ST6GALNAC3: variants seen among roughly 807,000 people sequenced by gnomAD.
ST6GALNAC3 encodes the protein alpha-N-acetylgalactosaminide alpha-2,6-sialyltransferase 3.
A neutral mutation model predicts 32.7 loss-of-function variants in ST6GALNAC3; 25 were observed. That is an observed-to-expected ratio of 0.76 (90% confidence interval 0.56 to 1.07). The LOEUF is 1.07. Ranked by LOEUF, ST6GALNAC3 falls within the 50% of genes least tolerant of loss-of-function variation. ST6GALNAC3 has a pLI of 0.00. For synonymous variants in ST6GALNAC3, 129 were observed against 133.1 expected (o/e 0.97, Z 0.21); for missense variants, 355 against 382.4 (o/e 0.93, Z 0.60).
chr1:76,448,490 A>G (rs1002126685), intron 3 of ST6GALNAC3, among the ~76,000 whole-genome samples: 5 of 152,182 alleles, frequency 3.3e-5, no homozygotes, highest in Middle Eastern at 3.4e-3. Flanking sequence ...GAGATTTGGG[A>G]GGGGCCAGAG....
intron 2 of ST6GALNAC3, among the ~76,000 whole-genome samples, chr1:76,353,076 A>C (rs551729945): frequency 7.9e-5 from 12 of 152,138 alleles, no homozygotes; most frequent in Non-Finnish European, 1.3e-4. Context: ...ATATACAACT[A>C]GAATTACTCC....
intron 3 of ST6GALNAC3, among the ~76,000 whole-genome samples, chr1:76,420,143 C>T (rs1040413725): frequency 1.3e-5 from 2 of 151,988 alleles, no homozygotes; most frequent in African/African-American, 2.4e-5. Flanking sequence ...CATCAAGCCA[C>T]CTGCTGACCC....
At chr1:76,100,887 A>G (rs1397187971) in intron 1 of ST6GALNAC3, among the ~76,000 whole-genome samples, 1 of 151,726 alleles carries the variant, frequency 6.6e-6, no homozygotes, top group Non-Finnish European at 1.5e-5. Flanking sequence ...TTTTAGATTC[A>G]CAACAAAATT....
intron 3 of ST6GALNAC3, among the ~76,000 whole-genome samples, chr1:76,449,464 G>T (rs139055687): frequency 6.6e-6 from 1 of 152,304 alleles, no homozygotes; most frequent in East Asian, 1.9e-4. Flanking sequence ...GGAAGCATGG[G>T]TAGCTTTGTA....
chr1:76,224,707 G>A (rs969615248), intron 1 of ST6GALNAC3, among the ~76,000 whole-genome samples: 1 of 152,162 alleles, frequency 6.6e-6, no homozygotes, highest in Non-Finnish European at 1.5e-5. Flanking sequence ...AAAGAGACAA[G>A]GGGCCTAGGT....
intron 1 of ST6GALNAC3, among the ~76,000 whole-genome samples, chr1:76,290,044 G>A (rs1659992157): frequency 6.6e-6 from 1 of 152,280 alleles, no homozygotes; most frequent in East Asian, 1.9e-4. Flanking sequence ...TATCTCACAA[G>A]CACTCTTTCT....
rs1356840124 is a variant in ST6GALNAC3 at position 76,196,370 on chromosome 1, C to T, written c.19-117435C>T. Among the ~76,000 whole-genome samples, 3 of 152,114 alleles carry T rather than the reference C, an allele frequency of 2.0e-5. No homozygotes were observed. In the East Asian group the frequency reaches 5.8e-4, roughly 29 times the overall value. On this transcript the variant is annotated intron_variant, in intron 1 of 4. Transcript: ENST00000328299. Reference sequence around the variant, plus strand: ...ACTGATGCTGCTCCTCTGGGTAGCACACTATAAGAAACTGAATCACAGGAA... The same window carrying T: ...ACTGATGCTGCTCCTCTGGGTAGCATACTATAAGAAACTGAATCACAGGAA...
At chr1:76,512,274 C>G (rs2101760556) in intron 3 of ST6GALNAC3, among the ~76,000 whole-genome samples, 1 of 152,254 alleles carries the variant, frequency 6.6e-6, no homozygotes, top group African/African-American at 2.4e-5. Flanking sequence ...ACACTGCTGT[C>G]CACAGGTAAT....
intron 3 of ST6GALNAC3, among the ~76,000 whole-genome samples, chr1:76,465,809 G>A (rs1276893329): frequency 1.3e-5 from 2 of 151,328 alleles, no homozygotes; most frequent in African/African-American, 2.4e-5. Flanking sequence ...CCACAATGTT[G>A]CATTTTCTTG....
chr1:76,284,901 G>T (rs1157076928), intron 1 of ST6GALNAC3, among the ~76,000 whole-genome samples: 3 of 152,128 alleles, frequency 2.0e-5, no homozygotes, highest in African/African-American at 7.2e-5. Context: ...AAGGCATCCA[G>T]AGAAATGATA....
In ST6GALNAC3 at chr1:76,587,502, C is replaced by T. The variant is rs1646980244; in HGVS notation, c.624-39950C>T. Among the ~76,000 whole-genome samples the T allele has an allele frequency of 3.3e-5, 5 of 152,224 alleles. No homozygotes were observed. The South Asian group carries it at 8.3e-4, about 25-fold the overall frequency. ...GAGGAGGCTGCATTCTGCTGCCCGTCCTGGCCCTGGGCAGTGTGATGCAGC... is the reference window on the plus strand; with the variant it reads ...GAGGAGGCTGCATTCTGCTGCCCGTTCTGGCCCTGGGCAGTGTGATGCAGC... On this transcript the variant is annotated intron_variant, in intron 3 of 4. Coordinates refer to ENST00000328299, the MANE Select transcript of ST6GALNAC3 (RefSeq NM_152996.4).
intron 3 of ST6GALNAC3, among the ~76,000 whole-genome samples, chr1:76,602,916 A>G (rs1162029474): frequency 1.3e-5 from 2 of 152,186 alleles, no homozygotes; most frequent in Non-Finnish European, 2.9e-5. Context: ...GCAAAAAAAT[A>G]TGCAATAACC....
intron 3 of ST6GALNAC3, among the ~76,000 whole-genome samples, chr1:76,599,719 TG>T (rs1557614070): frequency 0.19 from 6,989 of 35,850 alleles, 439 homozygotes; most frequent in East Asian, 0.38. Context: ...TACCGTATCG[TG>T]TGTGTGTGTG....
rs1661689007 is a variant in ST6GALNAC3 at position 76,509,349 on chromosome 1, C to A, written c.623+96932C>A. Among the ~76,000 whole-genome samples the A allele has an allele frequency of 6.6e-6, 1 of 152,098 alleles. No homozygotes were observed. Among genetic ancestry groups the A allele is most frequent in the African/African-American group, 2.4e-5 (1 of 41,418 alleles). ...AGTAAACTAGCTTGAGTCAGATGAA[C>A]TTCATATTAAGAATGGGTGGAAATT... On this transcript the variant is annotated intron_variant, in intron 3 of 4. Coordinates refer to ENST00000328299, the MANE Select transcript of ST6GALNAC3 (RefSeq NM_152996.4). The surrounding 1 kb of genome is among the most constrained non-coding windows in gnomAD (Gnocchi z 5.5).
intron 3 of ST6GALNAC3, among the ~76,000 whole-genome samples, chr1:76,555,635 A>T (rs1433735088): frequency 6.6e-6 from 1 of 152,138 alleles, no homozygotes; most frequent in African/African-American, 2.4e-5. Context: ...AGGTGGAGAG[A>T]GCAGATTAGG....
intron 3 of ST6GALNAC3, among the ~76,000 whole-genome samples, chr1:76,452,968 G>A (rs532782471): frequency 4.8e-4 from 73 of 152,150 alleles, no homozygotes; most frequent in Non-Finnish European, 7.6e-4. Flanking sequence ...CCTGTTATTC[G>A]TTCATTCAGA....
intron 2 of ST6GALNAC3, among the ~76,000 whole-genome samples, chr1:76,382,489 T>C (rs1651788702): frequency 6.6e-6 from 1 of 152,124 alleles, no homozygotes; most frequent in African/African-American, 2.4e-5. Context: ...GAAGAGTTGA[T>C]TAGTAAAGCT....
chr1:76,635,243 ACT>A (rs1486447254), downstream of ST6GALNAC3, among the ~76,000 whole-genome samples: 35 of 151,990 alleles, frequency 2.3e-4, no homozygotes, highest in African/African-American at 8.2e-4. Context: ...AAATCTCAAC[ACT>A]CTTGCAGTTG....
chr1:76,491,552 C>T (rs1332360562), intron 3 of ST6GALNAC3, among the ~76,000 whole-genome samples: 1 of 152,106 alleles, frequency 6.6e-6, no homozygotes, highest in African/African-American at 2.4e-5. Context: ...GTAAGCACAA[C>T]CTCATTCTGA....
Sources: allele counts gnomAD v4.1 joint callset (sites outside exome capture counted in the v4.1 genomes callset), GRCh38; gene constraint gnomAD v4.1.1; non-coding constraint Gnocchi (gnomAD v3.1); transcripts MANE v1.5; gene names NCBI Gene and HGNC (gene_info 2026-07-23, HGNC 2026-07-21).